The following TCF4 variants were observed in gnomAD, a reference collection of about 807,000 sequenced individuals.
The protein encoded by TCF4 is SL3-3 enhancer factor 2.
A neutral mutation model predicts 82.1 loss-of-function variants in TCF4; 3 were observed. The observed-to-expected ratio is 0.04, with a 90% CI of 0.02 to 0.09. The LOEUF is 0.09. Ranked by LOEUF, TCF4 falls within the 10% of genes least tolerant of loss-of-function variation. The pLI is 1.00. For synonymous variants in TCF4, 276 were observed against 309.6 expected (o/e 0.89, Z 1.14); for missense variants, 518 against 852.7 (o/e 0.61, Z 4.89).
At chr18:55,312,191 G>A (rs902933962) in intron 8 of TCF4, among the ~76,000 whole-genome samples, 1 of 152,068 alleles carries the variant, frequency 6.6e-6, no homozygotes, top group Non-Finnish European at 1.5e-5. Flanking sequence ...TTCTTAAATT[G>A]GTTACTTTGT....
intron 8 of TCF4, among the ~76,000 whole-genome samples, chr18:55,287,853 T>C (rs1461028832): frequency 6.6e-6 from 1 of 152,226 alleles, no homozygotes. Context: ...GTTTTTCATA[T>C]AGCTGGCTGC....
At chr18:55,282,820 C>A (rs747528801) in intron 8 of TCF4, among the ~76,000 whole-genome samples, 2 of 152,018 alleles carry the variant, frequency 1.3e-5, no homozygotes, top group East Asian at 3.9e-4. Flanking sequence ...TAATGAGAAA[C>A]AAATATCTAT....
At chr18:55,455,605 T>A (rs1156501150) in intron 5 of TCF4, among the ~76,000 whole-genome samples, 1 of 151,498 alleles carries the variant, frequency 6.6e-6, no homozygotes, top group East Asian at 1.9e-4. Flanking sequence ...CTTGTATCAC[T>A]ACCTAATTTC....
chr18:55,462,622 A>G (rs1162450243), intron 4 of TCF4, among the ~76,000 whole-genome samples: 7 of 152,240 alleles, frequency 4.6e-5, no homozygotes, highest in African/African-American at 1.7e-4. Context: ...AGATGATTCT[A>G]AACAGACCTT....
intron 2 of TCF4, among the ~76,000 whole-genome samples, chr18:55,624,479 T>G (rs1293463334): frequency 1.3e-4 from 19 of 151,916 alleles, no homozygotes. Context: ...TATCACATAT[T>G]ATTTTGATCA....
chr18:55,309,810 C>T (rs541637872), intron 8 of TCF4, among the ~76,000 whole-genome samples: 1 of 152,056 alleles, frequency 6.6e-6, no homozygotes, highest in Admixed American at 6.6e-5. Context: ...GACATATGGA[C>T]TATAAGAGAA....
chr18:55,322,440 A>C (rs1182665218), intron 8 of TCF4: 73 of 1,008,406 alleles, frequency 7.2e-5, no homozygotes, highest in South Asian at 2.3e-4. Flanking sequence ...AAAAAAAAAA[A>C]AAAAAAAAAA....
At chr18:55,302,454 T>G (rs1392830000) in intron 8 of TCF4, 2 of 1,536,154 alleles carry the variant, frequency 1.3e-6, no homozygotes, top group Non-Finnish European at 1.7e-6. Context: ...CATAGCCCTG[T>G]ATCTGAGCAT....
chr18:55,391,914 G>C (rs1229402979), intron 6 of TCF4, among the ~76,000 whole-genome samples: 1 of 142,386 alleles, frequency 7.0e-6, no homozygotes, highest in Non-Finnish European at 1.5e-5. Context: ...CTGCAGCCTG[G>C]GCGACAGAGT....
upstream of TCF4, chr18:55,588,463 C>T: frequency 6.5e-7 from 1 of 1,534,976 alleles, no homozygotes; most frequent in Non-Finnish European, 8.7e-7. Flanking sequence ...GAAAATTCAT[C>T]GAGCACCTCA....
intron 3 of TCF4, among the ~76,000 whole-genome samples, chr18:55,559,032 T>C (rs986517225): frequency 2.3e-5 from 3 of 132,542 alleles, no homozygotes; most frequent in African/African-American, 5.8e-5. Context: ...TTTGTATATA[T>C]CTCCCCCCTA....
Position 55,475,573 on chromosome 18 carries a change from A to C in TCF4, c.146-11436T>G, listed in dbSNP as rs548374888. On this transcript the variant is annotated intron_variant, in intron 3 of 19. Coordinates refer to ENST00000354452, the MANE Select transcript of TCF4 (RefSeq NM_001083962.2). ...TTTTTAAGTATGTGCTTATTGAAAA[A>C]AATTAAAATACAAAAATGTATAAGG... Among the ~76,000 whole-genome samples the C allele has an allele frequency of 7.2e-5, 11 of 152,354 alleles. No individual in the cohort carries two copies. In the South Asian group the frequency reaches 1.7e-3, roughly 23 times the overall value.
intron 3 of TCF4, among the ~76,000 whole-genome samples, chr18:55,467,698 C>A (rs1051450280): frequency 6.6e-6 from 1 of 152,162 alleles, no homozygotes; most frequent in Non-Finnish European, 1.5e-5. Context: ...AAACCTTGCA[C>A]AGGGCCTACA....
At chr18:55,612,808 C>T (rs1053633116) in intron 2 of TCF4, among the ~76,000 whole-genome samples, 3 of 151,862 alleles carry the variant, frequency 2.0e-5, no homozygotes, top group Non-Finnish European at 2.9e-5. Context: ...ATTACTTGGG[C>T]GTGGTGGTGC....
intron 5 of TCF4, among the ~76,000 whole-genome samples, chr18:55,405,664 G>C (rs1318910658): frequency 2.0e-5 from 3 of 152,026 alleles, no homozygotes; most frequent in African/African-American, 7.2e-5. Flanking sequence ...TTATTTTAAA[G>C]ATAAAAGGGC....
intron 3 of TCF4, among the ~76,000 whole-genome samples, chr18:55,549,693 C>T (rs1459779231): frequency 6.6e-6 from 1 of 152,154 alleles, no homozygotes; most frequent in Non-Finnish European, 1.5e-5. Flanking sequence ...TCTGGAATCC[C>T]TCCTGAAGGA....
intron 17 of TCF4, 128 bp downstream of exon 17, chr18:55,232,380 GC>G: frequency 1.0e-6 from 1 of 952,458 alleles, no homozygotes; most frequent in African/African-American, 1.6e-5. Flanking sequence ...TCTAGAGTAG[GC>G]CTTTAATTTT....
intron 3 of TCF4, among the ~76,000 whole-genome samples, chr18:55,558,891 G>C (rs962821333): frequency 6.6e-6 from 1 of 152,054 alleles, no homozygotes; most frequent in East Asian, 1.9e-4. Flanking sequence ...GGTTGCCTGT[G>C]TGACTCTTAA....
intron 9 of TCF4, among the ~76,000 whole-genome samples, chr18:55,277,551 A>C (rs1489850398): frequency 1.3e-5 from 2 of 152,156 alleles, no homozygotes; most frequent in Admixed American, 6.5e-5. Flanking sequence ...GAAAGAAAGA[A>C]TAGAATTAGA....
Sources: allele counts gnomAD v4.1 joint callset (sites outside exome capture counted in the v4.1 genomes callset), GRCh38; gene constraint gnomAD v4.1.1; transcripts MANE v1.5; gene names NCBI Gene and HGNC (gene_info 2026-07-23, HGNC 2026-07-21).